Variants in SMG5 observed in about 807,000 individuals in gnomAD.
The protein encoded by SMG5 is SMG5 nonsense mediated mRNA decay factor, also known as nonsense-mediated mRNA decay factor SMG5.
Under a neutral mutation model 122.9 loss-of-function variants are expected in SMG5, and 53 were observed. That is an observed-to-expected ratio of 0.43 (90% CI 0.35 to 0.54). SMG5 has a LOEUF of 0.54. Ranked by LOEUF, SMG5 falls within the 20% of genes least tolerant of loss-of-function variation. The pLI is 0.01. For missense variants in SMG5, 1,153 were observed against 1,285.6 expected (o/e 0.90, Z 1.58); for synonymous variants, 477 against 490.2 (o/e 0.97, Z 0.35).
At chr1:156,285,512 G>A (rs756029840), upstream of SMG5, 2 of 1,614,176 alleles carry the variant, frequency 1.2e-6, no homozygotes, top group Admixed American at 1.7e-5. Context: ...TGGCTGGCGG[G>A]ACATTGAACC....
At chr1:156,268,465 T>C (rs1248440609) in intron 7 of SMG5, 50 bp from the exon 8 acceptor site, 1 of 1,603,270 alleles carries the variant, frequency 6.2e-7, no homozygotes, top group East Asian at 2.2e-5. Context: ...GGAGGATATG[T>C]TACTCTGCTG....
At position 156,263,238 on chromosome 1, in the gene SMG5, C is replaced by T. The variant is rs556460524; in HGVS notation, c.2031+157G>A. 2.4e-4 allele frequency among the ~76,000 whole-genome samples: 36 copies of T among 152,356 alleles called. No homozygotes were observed. The South Asian group carries it at 7.5e-3, about 32-fold the overall frequency. ...GGGCCAAGATCATGCCTAATCCTTC[C>T]CTGTCAGAGCATAAGGGCCCAGCAC... is the stretch of plus-strand genomic sequence containing the variant. On this transcript the variant is annotated intron_variant, in intron 13 of 21. Coordinates refer to ENST00000361813, the MANE Select transcript of SMG5 (RefSeq NM_015327.3).
chr1:156,250,763 A>T, intron 21 of SMG5, 93 bp from the exon 22 acceptor site: 15 of 1,599,458 alleles, frequency 9.4e-6, no homozygotes, highest in South Asian at 8.8e-5. Context: ...GATGGAAGAG[A>T]AAAAAAGGTA....
chr1:156,264,994 C>G lies in SMG5; in HGVS notation c.1855+787G>C, dbSNP rs150524991. On this transcript the variant is annotated intron_variant, in intron 12 of 21. Transcript: ENST00000361813. Reference sequence around the variant, plus strand: ...TGAGCCGAGATCGTGCCACTGCCCTCCAGCCTGGGCAACAGAGTGAGACTC... The same window carrying G: ...TGAGCCGAGATCGTGCCACTGCCCTGCAGCCTGGGCAACAGAGTGAGACTC... Among the ~76,000 whole-genome samples the G allele has an allele frequency of 9.0e-3, 1,342 of 149,300 alleles. 24 individuals are homozygous for G. Among genetic ancestry groups the G allele is most frequent in the African/African-American group, 0.032 (1,269 of 40,278 alleles).
intron 2 of SMG5, among the ~76,000 whole-genome samples, chr1:156,278,721 T>A (rs577306508): frequency 2.0e-5 from 3 of 152,190 alleles, no homozygotes; most frequent in Non-Finnish European, 2.9e-5. Context: ...GTAGAGACTG[T>A]GCTACTTTAT....
At chr1:156,251,320 G>T in intron 20 of SMG5, 83 bp downstream of exon 20, 1 of 1,493,098 alleles carries the variant, frequency 6.7e-7, no homozygotes, top group Non-Finnish European at 9.3e-7. Flanking sequence ...GAATTATCCA[G>T]CCCTACCCGT....
chr1:156,282,881 T>C (rs1663036399), upstream of SMG5: 1 of 565,304 alleles, frequency 1.8e-6, no homozygotes, highest in Non-Finnish European at 3.1e-6. Flanking sequence ...TGCGGACCAG[T>C]GGCCTGCTGC....
Position 156,269,643 on chromosome 1 carries a change from A to C in SMG5, c.714-1228T>G, listed in dbSNP as rs965996409. ...GTAATCCCAGCACTTTGGGAGGCCA[A>C]GGCAGGTGGATCACGAGGTCAGGAG... On this transcript the variant is annotated intron_variant, in intron 7 of 21. Transcript: ENST00000361813. Among the ~76,000 whole-genome samples the C allele has an allele frequency of 2.0e-5, 3 of 152,162 alleles. No homozygotes were observed. The East Asian group carries it at 5.8e-4, about 29-fold the overall frequency.
chr1:156,284,586 C>T (rs1241452590), upstream of SMG5, among the ~76,000 whole-genome samples: 3 of 152,150 alleles, frequency 2.0e-5, no homozygotes, highest in East Asian at 5.8e-4. Context: ...GACCCAGGCC[C>T]TGCAGAGATG....
upstream of SMG5, chr1:156,282,878 C>T (rs1663035792): frequency 1.7e-6 from 1 of 574,664 alleles, no homozygotes; most frequent in Non-Finnish European, 3.0e-6. Context: ...AGTTGCGGAC[C>T]AGTGGCCTGC....
Position 156,282,692 on chromosome 1 carries a change from C to T in SMG5, c.-12G>A. 6.3e-7 allele frequency: 1 copy of T among 1,595,218 alleles called. No homozygotes were observed. The highest frequency in any genetic ancestry group is 1.1e-5 in the South Asian group (1 of 89,726). On this transcript the variant is annotated 5_prime_UTR_variant, in exon 1 of 22. Coordinates refer to ENST00000361813, the MANE Select transcript of SMG5 (RefSeq NM_015327.3). ...GGGCCTTGGCTCATGGTGCCCGGGT[C>T]CGGGGGCAGCTCCCGGTCACAGGCC...
At chr1:156,253,268 G>C (rs1234619151) in intron 17 of SMG5, among the ~76,000 whole-genome samples, 181 bp downstream of exon 17, 2 of 152,176 alleles carry the variant, frequency 1.3e-5, no homozygotes, top group African/African-American at 4.8e-5. Flanking sequence ...CAGAAATGAA[G>C]GCAGAAAGGA....
rs988144570 is a variant in SMG5, at chr1:156,279,825, G to A, written c.75-791C>T. Among the ~76,000 whole-genome samples, 9 of 152,180 alleles carry A rather than the reference G, an allele frequency of 5.9e-5. No homozygotes were observed. The East Asian group carries it at 1.7e-3, about 29-fold the overall frequency. On this transcript the variant is annotated intron_variant, in intron 1 of 21. Coordinates refer to ENST00000361813, the MANE Select transcript of SMG5 (RefSeq NM_015327.3). ...GATTCTGATAAGCCTAGATTCTGCT[G>A]AAGGAATTATTTGTTGAACATAGTG...
upstream of SMG5, chr1:156,284,259 C>T (rs1422658214): frequency 6.6e-6 from 1 of 152,160 alleles, no homozygotes; most frequent in African/African-American, 2.4e-5. Context: ...TAAGCTGGGC[C>T]CCACCTGCTC....
intron 6 of SMG5, among the ~76,000 whole-genome samples, chr1:156,272,612 G>C (rs1037879087): frequency 1.3e-5 from 2 of 151,036 alleles, no homozygotes; most frequent in Admixed American, 6.6e-5. Context: ...TCGCTCTGTC[G>C]CCCAGGCTGG....
chr1:156,284,949 C>T (rs771807950), upstream of SMG5, among the ~76,000 whole-genome samples: 1 of 152,240 alleles, frequency 6.6e-6, no homozygotes, highest in South Asian at 2.1e-4. Context: ...TCCCTTGACT[C>T]ACCCTCTCCT....
At chr1:156,267,703 G>C in intron 9 of SMG5, 25 bp from the exon 10 acceptor site, 1 of 1,583,800 alleles carries the variant, frequency 6.3e-7, no homozygotes, top group South Asian at 1.1e-5. Flanking sequence ...GAGTAACAGG[G>C]GAGGTCAGTG....
chr1:156,281,213 T>C (rs1254833950), intron 1 of SMG5, among the ~76,000 whole-genome samples: 1 of 152,246 alleles, frequency 6.6e-6, no homozygotes, highest in Admixed American at 6.5e-5. Context: ...CAGATACCCA[T>C]GTGCACACAG....
intron 17 of SMG5, 84 bp downstream of exon 17, chr1:156,253,365 C>T (rs1223355403): frequency 5.0e-6 from 7 of 1,393,260 alleles, no homozygotes; most frequent in African/African-American, 4.3e-5. Flanking sequence ...AGGGGGACTA[C>T]AGCGGAAGGG....
Sources: gnomAD v4.1 joint callset for allele counts (sites outside exome capture counted in the v4.1 genomes callset) on GRCh38, gnomAD v4.1.1 for gene constraint, MANE v1.5 for transcripts, NCBI Gene and HGNC (gene_info 2026-07-23, HGNC 2026-07-21) for gene names.